The following ADCY2 variants were observed in gnomAD, a reference collection of about 807,000 sequenced individuals.
ADCY2 encodes the protein adenylate cyclase type 2.
In ADCY2, 31 loss-of-function variants were observed where a neutral mutation model predicts 125.2. The observed-to-expected ratio is 0.25, with a 90% CI of 0.19 to 0.33. The LOEUF is 0.33. Ranked by LOEUF, ADCY2 falls within the 10% of genes least tolerant of loss-of-function variation. The pLI, the probability that ADCY2 is intolerant of heterozygous loss-of-function variation, is 1.00. For missense variants in ADCY2, 904 were observed against 1,418.2 expected (o/e 0.64, Z 5.82); for synonymous variants, 512 against 548.4 (o/e 0.93, Z 0.93).
intron 1 of ADCY2, among the ~76,000 whole-genome samples, chr5:7,411,128 T>A (rs1047089853): frequency 2.0e-5 from 3 of 152,228 alleles, no homozygotes; most frequent in Non-Finnish European, 4.4e-5. Flanking sequence ...TCAAAACTCC[T>A]TCAGAGTTAG....
chr5:7,593,389 T>C (rs1644032438), intron 3 of ADCY2, among the ~76,000 whole-genome samples: 1 of 152,218 alleles, frequency 6.6e-6, no homozygotes, highest in South Asian at 2.1e-4. Context: ...AAAGAGGTTG[T>C]TGGCTTGATC....
intron 1 of ADCY2, among the ~76,000 whole-genome samples, chr5:7,399,641 A>C: frequency 6.6e-6 from 1 of 152,250 alleles, no homozygotes; most frequent in East Asian, 1.9e-4. Context: ...ATTTGAAGAC[A>C]GGAAACTCAG....
intron 3 of ADCY2, among the ~76,000 whole-genome samples, chr5:7,617,503 T>C (rs998831096): frequency 4.6e-5 from 7 of 152,170 alleles, no homozygotes; most frequent in African/African-American, 1.7e-4. Flanking sequence ...GTCATAATCA[T>C]AGCATACTAA....
At chr5:7,600,916 G>A (rs1259348826) in intron 3 of ADCY2, among the ~76,000 whole-genome samples, 1 of 152,204 alleles carries the variant, frequency 6.6e-6, no homozygotes. Context: ...TCTGAGAATA[G>A]GTTCATGTAA....
intron 4 of ADCY2, among the ~76,000 whole-genome samples, chr5:7,656,792 G>T (rs997518850): frequency 1.3e-5 from 2 of 152,186 alleles, no homozygotes; most frequent in African/African-American, 4.8e-5. Flanking sequence ...TTCAGGTATA[G>T]TCCCTAGGAA....
chr5:7,631,931 G>A (rs1044459532), intron 4 of ADCY2, among the ~76,000 whole-genome samples: 6 of 152,132 alleles, frequency 3.9e-5, no homozygotes, highest in African/African-American at 7.2e-5. Context: ...CGGACCTTAC[G>A]AGGACTCATC....
In ADCY2 at chr5:7,682,716, A is replaced by G. The variant is rs6864303; in HGVS notation, c.721-7975A>G. Among the ~76,000 whole-genome samples, 517 of 152,296 alleles carry G rather than the reference A, an allele frequency of 3.4e-3. 4 individuals carry two copies. Among genetic ancestry groups the G allele is most frequent in the African/African-American group, 0.012 (493 of 41,564 alleles). On this transcript the variant is annotated intron_variant, in intron 4 of 24. Coordinates refer to ENST00000338316, the MANE Select transcript of ADCY2 (RefSeq NM_020546.3). ...TTCTTATGCTTTTCAGAGGAGCCTC[A>G]TTGCCTCCCTGAGTTTAGGATGGTA... is the stretch of plus-strand genomic sequence containing the variant.
intron 4 of ADCY2, among the ~76,000 whole-genome samples, chr5:7,687,171 A>G (rs1211433362): frequency 1.3e-5 from 2 of 152,194 alleles, no homozygotes; most frequent in Non-Finnish European, 2.9e-5. Flanking sequence ...TACTTTCTAT[A>G]TTTTTTAAAC....
At chr5:7,820,765 G>A in intron 24 of ADCY2, 76 bp downstream of exon 24, 4 of 1,463,744 alleles carry the variant, frequency 2.7e-6, no homozygotes, top group Middle Eastern at 1.9e-4. Context: ...AGTATAATAA[G>A]GATACTAATA....
chr5:7,552,592 A>C lies in ADCY2; in HGVS notation c.570+31693A>C, dbSNP rs149398577. The stretch of plus-strand genomic sequence containing the variant: ...TATTTATTGAACACGATACTTGTTA[A>C]AACTGTTCTGTGGCAACTTCTTCTG... On this transcript the variant is annotated intron_variant, in intron 3 of 24. Coordinates refer to ENST00000338316, the MANE Select transcript of ADCY2 (RefSeq NM_020546.3). Among the ~76,000 whole-genome samples the C allele has an allele frequency of 4.0e-4, 61 of 152,348 alleles. 2 individuals carry two copies. In the East Asian group the frequency reaches 0.012, roughly 29 times the overall value.
intron 3 of ADCY2, among the ~76,000 whole-genome samples, chr5:7,585,194 C>G (rs1374696326): frequency 6.6e-6 from 1 of 152,014 alleles, no homozygotes; most frequent in Non-Finnish European, 1.5e-5. Context: ...CATTCATTTT[C>G]TACGTGGCAA....
Position 7,578,696 on chromosome 5 carries a change from T to G in ADCY2, c.571-47471T>G, listed in dbSNP as rs529287694. ...AGGAACTGTCTTAAAGCTAGGAGGCTCCTCTGTATTTCTAGTTTTCATATT... is the reference window on the plus strand; with the variant it reads ...AGGAACTGTCTTAAAGCTAGGAGGCGCCTCTGTATTTCTAGTTTTCATATT... On this transcript the variant is annotated intron_variant, in intron 3 of 24. Coordinates refer to ENST00000338316, the MANE Select transcript of ADCY2 (RefSeq NM_020546.3). 2.8e-4 allele frequency among the ~76,000 whole-genome samples: 42 copies of G among 152,258 alleles called. No individual in the cohort carries two copies. In the East Asian group the frequency reaches 6.9e-3, roughly 25 times the overall value.
At chr5:7,603,784 C>CTTTTTTTTTTTTTTTTTTTTTTTTTTTT in intron 3 of ADCY2, among the ~76,000 whole-genome samples, 215 of 62,818 alleles carry the variant, frequency 3.4e-3, no homozygotes, top group South Asian at 5.9e-3. Flanking sequence ...TGCTCTCTTT[C>CTTTTTTTTTTTTTTTTTTTTTTTTTTTT]TTTTTTTTTT....
At chr5:7,494,181 C>T (rs981010441) in intron 2 of ADCY2, among the ~76,000 whole-genome samples, 3 of 152,124 alleles carry the variant, frequency 2.0e-5, no homozygotes, top group Non-Finnish European at 2.9e-5. Context: ...CCATTCGGTC[C>T]ACCCATCCAG....
Position 7,489,618 on chromosome 5 carries a change from A to G in ADCY2, c.409-31120A>G, listed in dbSNP as rs550441573. Among the ~76,000 whole-genome samples the G allele has an allele frequency of 4.8e-4, 73 of 152,216 alleles. 2 individuals are homozygous for G. The Middle Eastern group carries it at 0.014, about 28-fold the overall frequency. ...CTTTGCTCTACCTTCATCTTCCACCATGATTGTGAGGCCTCCCCAGCCATG... is the reference window on the plus strand; with the variant it reads ...CTTTGCTCTACCTTCATCTTCCACCGTGATTGTGAGGCCTCCCCAGCCATG... On this transcript the variant is annotated intron_variant, in intron 2 of 24. Transcript: ENST00000338316.
intron 2 of ADCY2, among the ~76,000 whole-genome samples, chr5:7,452,339 G>T (rs1012524939): frequency 6.6e-6 from 1 of 152,278 alleles, no homozygotes; most frequent in South Asian, 2.1e-4. Flanking sequence ...TATGTTATAA[G>T]TGAGAACATA....
chr5:7,404,230 G>C (rs1234611816), intron 1 of ADCY2, among the ~76,000 whole-genome samples: 1 of 151,906 alleles, frequency 6.6e-6, no homozygotes, highest in African/African-American at 2.4e-5. Flanking sequence ...TTATAATATT[G>C]TTTTTATATG....
chr5:7,789,820 G>A lies in ADCY2; in HGVS notation c.2628+20G>A. 1 of 1,490,304 alleles carries A rather than the reference G, an allele frequency of 6.7e-7. No homozygotes were observed. The highest frequency in any genetic ancestry group is 8.9e-7 in the Non-Finnish European group (1 of 1,119,346). The allele number at this position is 1,490,304 out of a possible 1,614,324, so 92.3% of individuals were successfully genotyped here. A position where few individuals can be genotyped will look rare whatever the true frequency, so the allele number is the denominator to read the frequency against. On this transcript the variant is annotated intron_variant, in intron 20 of 24. Transcript: ENST00000338316. ...AATGAGGTCAGACCAGGGGGGCTGG[G>A]GGCTGGGGGAGGGGGCTGGATGCCA... is the stretch of plus-strand genomic sequence containing the variant.
At chr5:7,438,498 G>C (rs546983592) in intron 2 of ADCY2, among the ~76,000 whole-genome samples, 1 of 152,338 alleles carries the variant, frequency 6.6e-6, no homozygotes, top group Non-Finnish European at 1.5e-5. Flanking sequence ...TAGCAATGAT[G>C]ACTTGGATGA....
Sources: allele counts gnomAD v4.1 joint callset (sites outside exome capture counted in the v4.1 genomes callset), GRCh38; gene constraint gnomAD v4.1.1; transcripts MANE v1.5; gene names NCBI Gene and HGNC (gene_info 2026-07-23, HGNC 2026-07-21).